Variants in FADS1 observed in about 807,000 individuals in gnomAD.
FADS1 encodes acyl-CoA (8-3)-desaturase.
In FADS1, 17 loss-of-function variants were observed where a neutral mutation model predicts 61.6. That is an observed-to-expected ratio of 0.28 (90% CI 0.19 to 0.41). The LOEUF (loss-of-function observed/expected upper bound fraction) is 0.41. FADS1 is among the 10% of genes least tolerant of loss of function. FADS1 has a pLI of 1.00. For synonymous variants in FADS1, 238 were observed against 258.7 expected, an observed-to-expected ratio of 0.92 and a Z score of 0.77; for missense variants, 387 against 650.9, an observed-to-expected ratio of 0.59 and a Z score of 4.41.
rs142276858 is a variant in FADS1, at chr11:61,804,699, G to A, written c.1039C>T (p.Arg347Ter). ...TGGATACTCACCACCCACTTCTTTC[G>A]CTGGATAACAAAATAGAAAATATAC... ...QWYIFYFVIQ[R>*]KKWVDLAWMI... The change falls in exon 7 of 12, where the codon CGA becomes TGA. Residue 347 changes from arginine (R) to a stop codon, truncating the protein, a stop_gained. Transcript: ENST00000350997. LOFTEE classifies it high-confidence loss of function. The A allele has an allele frequency of 5.6e-6, 9 of 1,613,986 alleles. No individual in the cohort carries two copies. The highest frequency in any genetic ancestry group is 1.1e-5 in the South Asian group (1 of 91,066).
At chr11:61,804,965 CA>C in intron 6 of FADS1, 2 of 582,258 alleles carry the variant, frequency 3.4e-6, no homozygotes, top group Non-Finnish European at 3.1e-6. Flanking sequence ...CTGGGGAAGG[CA>C]AAAACTCCCA....
At position 61,802,891 on chromosome 11, in the gene FADS1, TTG is replaced by T; in HGVS notation, c.1362_1363del (p.His454GlnfsTer79). Reference sequence around the variant, plus strand: ...CAAGGACTGCACCAGGGGAGCCACTTTGTGGTAATTGTGTCGAGGCATCGTGG... The same window carrying T: ...CAAGGACTGCACCAGGGGAGCCACTTTGGTAATTGTGTCGAGGCATCGTGG... On this transcript the variant is annotated frameshift_variant, in exon 11 of 12. Coordinates refer to ENST00000350997, the MANE Select transcript of FADS1 (RefSeq NM_013402.7). LOFTEE classifies it high-confidence loss of function. The surrounding 1 kb of genome is among the most constrained non-coding windows in gnomAD (Gnocchi z 4.2). 6.2e-7 allele frequency: 1 copy of T among 1,614,008 alleles called. No homozygotes were observed. Among genetic ancestry groups the T allele is most frequent in the Non-Finnish European group, 8.5e-7 (1 of 1,179,946 alleles).
intron 3 of FADS1, 64 bp from the exon 4 acceptor site, chr11:61,811,139 G>A (rs931003397): frequency 2.9e-5 from 35 of 1,207,722 alleles, no homozygotes; most frequent in South Asian, 6.1e-5. Context: ...CACTGACCTC[G>A]ATGCCTCCTT....
At chr11:61,805,830 G>A (rs777845454) in intron 6 of FADS1, 3 of 152,152 alleles carry the variant, frequency 2.0e-5, no homozygotes, top group African/African-American at 7.2e-5. Context: ...CAAATTCCTG[G>A]GCTCAAAGGA....
At chr11:61,811,660 G>C (rs2135939247) in intron 3 of FADS1, among the ~76,000 whole-genome samples, 1 of 151,492 alleles carries the variant, frequency 6.6e-6, no homozygotes, top group East Asian at 2.0e-4. Context: ...TGCCAACTCG[G>C]CTCACTGCAA....
At position 61,802,754 on chromosome 11, in the gene FADS1, G is replaced by GCCCTCTTCCCTC; in HGVS notation, c.1454+35_1454+46dup. The GCCCTCTTCCCTC allele has an allele frequency of 6.2e-7, 1 of 1,612,192 alleles. No homozygotes were observed. The highest frequency in any genetic ancestry group is 1.7e-4 in the Middle Eastern group (1 of 6,060). ...TACATGTCATCATTTCCATTGCCCT[G>GCCCTCTTCCCTC]CCCTCTTCCCTCCCTACTAGCCATC... On this transcript the variant is annotated intron_variant, in intron 11 of 11. Coordinates refer to ENST00000350997, the MANE Select transcript of FADS1 (RefSeq NM_013402.7). The surrounding 1 kb of genome is among the most constrained non-coding windows in gnomAD (Gnocchi z 4.2).
intron 7 of FADS1, 139 bp downstream of exon 7, chr11:61,804,546 A>C: frequency 2.9e-6 from 2 of 679,594 alleles, no homozygotes; most frequent in Non-Finnish European, 5.2e-6. Flanking sequence ...CTTAGAGATA[A>C]GGAGGATCTG....
At position 61,801,020 on chromosome 11, in the gene FADS1, G is replaced by C. The variant is rs1466027860; in HGVS notation, c.*1391C>G. On this transcript the variant is annotated 3_prime_UTR_variant, in exon 12 of 12. Transcript: ENST00000350997. ...TTAGATACTTGAACAAGAGTGGACA[G>C]AGTAAGATACCTAGCTACAGCAATA... The C allele has an allele frequency of 6.6e-6, 1 of 152,374 alleles. No homozygotes were observed. Among genetic ancestry groups the C allele is most frequent in the African/African-American group, 2.4e-5 (1 of 41,456 alleles). The allele number at this position is 152,374 out of a possible 1,614,324, so 9.4% of individuals were successfully genotyped here. A position where few individuals can be genotyped will look rare whatever the true frequency, so the allele number is the denominator to read the frequency against.
In FADS1 at chr11:61,803,312, C is replaced by T; in HGVS notation, c.1248+51G>A. 6.7e-7 allele frequency: 1 copy of T among 1,486,810 alleles called. No homozygotes were observed. The highest frequency in any genetic ancestry group is 1.4e-5 in the African/African-American group (1 of 72,518). The allele number at this position is 1,486,810 out of a possible 1,614,324, so 92.1% of individuals were successfully genotyped here. On this transcript the variant is annotated intron_variant, in intron 9 of 11. Transcript: ENST00000350997. This position sits in a 1 kb window ranked among gnomAD's most constrained non-coding sequence, Gnocchi z 4.3. ...GTTTTTGCTGTTTTCACCTACGCAT[C>T]CTTTTCAATAGTTGTGTTATGCTCC...
In FADS1 at chr11:61,816,772, A is replaced by G. The variant is rs1243676304; in HGVS notation, c.158T>C (p.Val53Ala). 1.3e-6 allele frequency: 2 copies of G among 1,523,538 alleles called. No homozygotes were observed. The highest frequency in any genetic ancestry group is 2.4e-5 in the South Asian group (2 of 82,100). The allele number at this position is 1,523,538 out of a possible 1,614,324, so 94.4% of individuals were successfully genotyped here. A position where few individuals can be genotyped will look rare whatever the true frequency, so the allele number is the denominator to read the frequency against. Residue 53 changes from valine (V) to alanine (A), a missense_variant, in exon 1 of 12, where the codon GTC becomes GCC. By Grantham distance (64) the Val-to-Ala change is moderately conservative. Around this residue, in one of 2 missense-constraint regions of FADS1, gnomAD observed 130 missense variants for 117.7 expected, o/e 1.10. Coordinates refer to ENST00000350997, the MANE Select transcript of FADS1 (RefSeq NM_013402.7). The surrounding 1 kb of genome is among the most constrained non-coding windows in gnomAD (Gnocchi z 7.0). ...LTAPAGPARG[V>A]ARPAMAPDPV... Reference sequence around the variant, plus strand: ...GTCGGGGGCCATAGCTGGCCTGGCGACGCCGCGCGCCGGGCCAGCAGGGGC... The same window carrying G: ...GTCGGGGGCCATAGCTGGCCTGGCGGCGCCGCGCGCCGGGCCAGCAGGGGC...
rs878862771 is a variant in FADS1, at chr11:61,810,987, A to G, written c.773T>C (p.Ile258Thr). Residue 258 changes from isoleucine (I) to threonine (T), a missense_variant, in exon 4 of 12, where the codon ATT becomes ACT. This residue lies in a region of FADS1 where 257 missense variants were observed against 533.3 expected (regional missense o/e 0.48). Transcript: ENST00000350997. Reference protein sequence around the residue: ...KWNHLLHHFVIGHLKGAPASW... With the variant: ...KWNHLLHHFVTGHLKGAPASW... The stretch of plus-strand genomic sequence containing the variant: ...CATCCCACTGACCTTCAGGTGGCCA[A>G]TCACAAAATGATGTAGCAGATGGTT... 1.2e-6 allele frequency: 2 copies of G among 1,614,122 alleles called. No homozygotes were observed. The highest frequency in any genetic ancestry group is 1.7e-6 in the Non-Finnish European group (2 of 1,180,012).
rs995378559 is a variant in FADS1 at position 61,806,719 on chromosome 11, C to G, written c.921G>C (p.Gly307=). 1.2e-6 allele frequency: 2 copies of G among 1,613,954 alleles called. No individual in the cohort carries two copies. Among genetic ancestry groups the G allele is most frequent in the Non-Finnish European group, 1.7e-6 (2 of 1,179,932 alleles). ...ALGKILSVEL[G]KQKKKYMPYN... ...ACGGCATATATTTTTTCTTCTGTTT[C>G]CCAAGCTGTGAAGAAAAGCAAACAC... is the stretch of plus-strand genomic sequence containing the variant. The change falls in exon 6 of 12, where the codon GGG becomes GGC. Residue 307 remains glycine, a synonymous_variant. Transcript: ENST00000350997.
At position 61,804,734 on chromosome 11, in the gene FADS1, T is replaced by C; in HGVS notation, c.1004A>G (p.Tyr335Cys). 6.2e-7 allele frequency: 1 copy of C among 1,613,818 alleles called. No homozygotes were observed. The highest frequency in any genetic ancestry group is 8.5e-7 in the Non-Finnish European group (1 of 1,179,956). The part of the protein sequence containing the change: ...LIGPPALLPL[Y>C]FQWYIFYFVI... ...AAAATAGAAAATATACCACTGGAAGTAGAGAGGCAGCAAGGCTGGGGGCCC... is the reference window on the plus strand; with the variant it reads ...AAAATAGAAAATATACCACTGGAAGCAGAGAGGCAGCAAGGCTGGGGGCCC... The change falls in exon 7 of 12, where the codon TAC becomes TGC. Residue 335 changes from tyrosine (Y) to cysteine (C), a missense_variant. By Grantham distance (194) the Tyr-to-Cys change is radical. This residue lies in a region of FADS1 where 257 missense variants were observed against 533.3 expected (regional missense o/e 0.48). Transcript: ENST00000350997.
intron 5 of FADS1, 94 bp from the exon 6 acceptor site, chr11:61,806,818 C>T (rs1396108436): frequency 1.8e-6 from 2 of 1,083,360 alleles, no homozygotes; most frequent in Admixed American, 1.7e-5. Context: ...AGGCCTCCTC[C>T]AGGGCTGACA....
chr11:61,813,377 A>G, intron 1 of FADS1, 24 bp from the exon 2 acceptor site: 1 of 1,430,478 alleles, frequency 7.0e-7, no homozygotes, highest in Non-Finnish European at 9.8e-7. Flanking sequence ...GAGAAGATGA[A>G]AGGTGAGGGA....
chr11:61,816,524 C>G lies in FADS1; in HGVS notation c.375+31G>C. ...CCTGCACTCAGCCTCCGGTCCCGCC[C>G]TCTCCTGTGCCCCCGCCTGGCTGCG... On this transcript the variant is annotated intron_variant, in intron 1 of 11. Transcript: ENST00000350997. This position sits in a 1 kb window ranked among gnomAD's most constrained non-coding sequence, Gnocchi z 7.0. The G allele has an allele frequency of 6.3e-7, 1 of 1,596,950 alleles. No homozygotes were observed. Among genetic ancestry groups the G allele is most frequent in the South Asian group, 1.1e-5 (1 of 89,332 alleles).
Position 61,800,187 on chromosome 11 carries a change from G to A in FADS1, c.*2224C>T, listed in dbSNP as rs1357127394. The A allele has an allele frequency of 6.6e-6, 1 of 152,206 alleles. No homozygotes were observed. The highest frequency in any genetic ancestry group is 2.4e-5 in the African/African-American group (1 of 41,206). The allele number at this position is 152,206 out of a possible 1,614,324, so 9.4% of individuals were successfully genotyped here. ...TGGAGGTACAACTCCTCAATTCTAA[G>A]TTTTTGTTGTTTTTTTTTTTTTTGA... On this transcript the variant is annotated 3_prime_UTR_variant, in exon 12 of 12. Transcript: ENST00000350997.
Position 61,815,154 on chromosome 11 carries a change from G to A in FADS1, c.375+1401C>T, listed in dbSNP as rs911690994. 2.6e-4 allele frequency: 43 copies of A among 163,532 alleles called. No homozygotes were observed. Among genetic ancestry groups the A allele is most frequent in the African/African-American group, 1.0e-3 (42 of 41,658 alleles). The allele number at this position is 163,532 out of a possible 1,614,324, so 10.1% of individuals were successfully genotyped here. A position where few individuals can be genotyped will look rare whatever the true frequency, so the allele number is the denominator to read the frequency against. ...CAGCCCCGGGCCCTGTAAGTGATGC[G>A]GCGTGTGGGGCGGGGGCCGGGGCGG... On this transcript the variant is annotated intron_variant, in intron 1 of 11. Transcript: ENST00000350997. This position sits in a 1 kb window ranked among gnomAD's most constrained non-coding sequence, Gnocchi z 6.4.
chr11:61,802,665 C>T lies in FADS1; in HGVS notation c.1454+136G>A. ...CTGGCCACAGGTCCAATAAAGAATCCTGCCTTTGCCATGGTGAACTCCATC... is the reference window on the plus strand; with the variant it reads ...CTGGCCACAGGTCCAATAAAGAATCTTGCCTTTGCCATGGTGAACTCCATC... On this transcript the variant is annotated intron_variant, in intron 11 of 11. Coordinates refer to ENST00000350997, the MANE Select transcript of FADS1 (RefSeq NM_013402.7). This position sits in a 1 kb window ranked among gnomAD's most constrained non-coding sequence, Gnocchi z 4.2. The T allele has an allele frequency of 2.2e-6, 3 of 1,369,224 alleles. No homozygotes were observed. The highest frequency in any genetic ancestry group is 3.0e-6 in the Non-Finnish European group (3 of 984,860). The allele number at this position is 1,369,224 out of a possible 1,614,324, so 84.8% of individuals were successfully genotyped here.
Sources: gnomAD v4.1 joint callset for allele counts (sites outside exome capture counted in the v4.1 genomes callset) on GRCh38, gnomAD v4.1.1 for gene constraint, gnomAD v4.1.1 regional missense constraint, Gnocchi (gnomAD v3.1) non-coding constraint, MANE v1.5 for transcripts, NCBI Gene and HGNC (gene_info 2026-07-23, HGNC 2026-07-21) for gene names.